The following MAGI1 variants were observed in gnomAD, a reference collection of about 807,000 sequenced individuals.
MAGI1 encodes the protein membrane associated guanylate kinase, WW and PDZ domain containing 1, also known as membrane-associated guanylate kinase, WW and PDZ domain-containing protein 1.
In MAGI1, 58 loss-of-function variants were observed where a neutral mutation model predicts 139.9. The observed-to-expected ratio is 0.41, with a 90% confidence interval of 0.34 to 0.52. The LOEUF is 0.52. Among genes scored for constraint, MAGI1 ranks in the 20% least tolerant of loss-of-function variants. The probability of loss-of-function intolerance (pLI) is 0.12; values close to 1 mark genes in which losing one functional copy is unlikely to be tolerated. For synonymous variants in MAGI1, 812 were observed against 737.9 expected (o/e 1.10, Z -1.63); for missense variants, 1,874 against 1,901.6 (o/e 0.99, Z 0.27).
intron 1 of MAGI1, among the ~76,000 whole-genome samples, chr3:65,932,869 A>T (rs1180080422): frequency 6.6e-6 from 1 of 151,164 alleles, no homozygotes; most frequent in Non-Finnish European, 1.5e-5. Flanking sequence ...TATTACTTGC[A>T]ACCAAAGCTG....
At chr3:66,004,347 G>A (rs1398331487) in intron 1 of MAGI1, among the ~76,000 whole-genome samples, 4 of 152,294 alleles carry the variant, frequency 2.6e-5, no homozygotes, top group Admixed American at 6.5e-5. Flanking sequence ...ATCTTCACTC[G>A]CATGTCTAGA....
intron 1 of MAGI1, among the ~76,000 whole-genome samples, chr3:65,637,324 A>G (rs1286330549): frequency 6.6e-6 from 1 of 152,028 alleles, no homozygotes; most frequent in Non-Finnish European, 1.5e-5. Flanking sequence ...AGGCCAAGGC[A>G]GACAGATCAC....
At position 65,442,862 on chromosome 3, in the gene MAGI1, A is replaced by G; in HGVS notation, c.1079-13T>C. On this transcript the variant is annotated splice_polypyrimidine_tract_variant and intron_variant, in intron 7 of 22. Transcript: ENST00000402939. Reference sequence around the variant, plus strand: ...CCAGCAGGCAGTTCTGAAAAATAAAAGAACATTTAGGGCAAGAAGAGCATA... The same window carrying G: ...CCAGCAGGCAGTTCTGAAAAATAAAGGAACATTTAGGGCAAGAAGAGCATA... 6.2e-7 allele frequency: 1 copy of G among 1,610,014 alleles called. No homozygotes were observed. Among genetic ancestry groups the G allele is most frequent in the Non-Finnish European group, 8.5e-7 (1 of 1,176,554 alleles).
chr3:65,680,156 T>C (rs2087481220), intron 1 of MAGI1, among the ~76,000 whole-genome samples: 1 of 152,190 alleles, frequency 6.6e-6, no homozygotes, highest in Non-Finnish European at 1.5e-5. Context: ...TTTTCTATTC[T>C]TCCATGACAT....
chr3:65,433,941 C>T (rs4308214), intron 10 of MAGI1, among the ~76,000 whole-genome samples: 89,732 of 151,950 alleles, frequency 0.59, 26,955 homozygotes, highest in East Asian at 0.75. Flanking sequence ...CCACTGAGCC[C>T]TTGAAATATG....
At chr3:66,016,588 G>C (rs2067652234) in intron 1 of MAGI1, among the ~76,000 whole-genome samples, 1 of 152,156 alleles carries the variant, frequency 6.6e-6, no homozygotes, top group South Asian at 2.1e-4. Flanking sequence ...GGAGACTTTG[G>C]GTAAGTGGTG....
At chr3:65,848,579 C>CTTTTTTTTTTTT (rs5849700) in intron 1 of MAGI1, among the ~76,000 whole-genome samples, 1 of 147,296 alleles carries the variant, frequency 6.8e-6, no homozygotes. Context: ...AAGTTGTATT[C>CTTTTTTTTTTTT]TTTTTTTTTT....
chr3:65,800,598 T>C (rs1559895140), intron 1 of MAGI1, among the ~76,000 whole-genome samples: 1 of 150,902 alleles, frequency 6.6e-6, no homozygotes, highest in East Asian at 2.0e-4. Context: ...TCCAATAAGA[T>C]ATGAACTCCC....
chr3:65,999,269 A>C (rs1432350012), intron 1 of MAGI1, among the ~76,000 whole-genome samples: 1 of 152,140 alleles, frequency 6.6e-6, no homozygotes, highest in Non-Finnish European at 1.5e-5. Context: ...GTTGAAAAGA[A>C]GCCCTTTTTC....
At chr3:65,687,551 G>C (rs1272170320) in intron 1 of MAGI1, 1 of 373,550 alleles carries the variant, frequency 2.7e-6, no homozygotes, top group Non-Finnish European at 5.4e-6. Context: ...AATAAACAAT[G>C]TGATTGACAA....
intron 7 of MAGI1, among the ~76,000 whole-genome samples, chr3:65,444,357 C>T (rs1213025886): frequency 6.6e-6 from 1 of 151,810 alleles, no homozygotes. Context: ...AAAATATTAC[C>T]AAAGAGTTGG....
intron 10 of MAGI1, among the ~76,000 whole-genome samples, chr3:65,436,865 AC>A (rs1020010222): frequency 3.3e-5 from 5 of 152,032 alleles, no homozygotes; most frequent in African/African-American, 1.2e-4. Context: ...AGAATTACTT[AC>A]CCCAAAATGG....
intron 1 of MAGI1, among the ~76,000 whole-genome samples, chr3:65,963,610 A>C (rs571075405): frequency 1.3e-5 from 2 of 152,288 alleles, no homozygotes; most frequent in East Asian, 3.9e-4. Flanking sequence ...AGCGAGACTC[A>C]GTCTCTAAAT....
chr3:65,952,908 A>G (rs2063936885), intron 1 of MAGI1, among the ~76,000 whole-genome samples: 1 of 152,202 alleles, frequency 6.6e-6, no homozygotes, highest in African/African-American at 2.4e-5. Context: ...TGTCTTGACA[A>G]ACACTTTCAT....
At chr3:66,027,827 G>GC (rs1475660306) in intron 1 of MAGI1, among the ~76,000 whole-genome samples, 17 of 152,248 alleles carry the variant, frequency 1.1e-4, no homozygotes, top group African/African-American at 3.6e-4. Context: ...TGTGTACATT[G>GC]TGGGGTGTTC....
intron 2 of MAGI1, among the ~76,000 whole-genome samples, chr3:65,594,882 T>G (rs2082113846): frequency 6.6e-6 from 1 of 152,220 alleles, no homozygotes; most frequent in African/African-American, 2.4e-5. Context: ...CAGTGCTCAG[T>G]GTCTCCCAAA....
chr3:65,570,726 C>T (rs1553671092), intron 2 of MAGI1, among the ~76,000 whole-genome samples: 1 of 152,160 alleles, frequency 6.6e-6, no homozygotes, highest in Non-Finnish European at 1.5e-5. Flanking sequence ...ATCTGGGCAT[C>T]TAAGTTCATT....
chr3:65,500,483 G>T (rs1258924774), intron 2 of MAGI1, among the ~76,000 whole-genome samples: 1 of 152,202 alleles, frequency 6.6e-6, no homozygotes. Context: ...GACTCCTGCT[G>T]AGGAAATGAG....
chr3:66,008,223 T>C (rs547912346), intron 1 of MAGI1, among the ~76,000 whole-genome samples: 75 of 152,240 alleles, frequency 4.9e-4, no homozygotes, highest in Non-Finnish European at 1.0e-3. Flanking sequence ...TACTATTTAG[T>C]ATAGTTCATA....
Sources: gnomAD v4.1 joint callset for allele counts (sites outside exome capture counted in the v4.1 genomes callset) on GRCh38, gnomAD v4.1.1 for gene constraint, MANE v1.5 for transcripts, NCBI Gene and HGNC (gene_info 2026-07-23, HGNC 2026-07-21) for gene names.